Variants in KIF26B observed in about 807,000 individuals in gnomAD.
The protein encoded by KIF26B is kinesin family member 26B, also known as kinesin-like protein KIF26B.
KIF26B carries 63 observed loss-of-function variants against 151.2 expected under a neutral mutation model. The observed-to-expected ratio is 0.42, with a 90% CI of 0.34 to 0.51. The LOEUF (loss-of-function observed/expected upper bound fraction) is 0.51. Ranked by LOEUF, KIF26B falls within the 20% of genes least tolerant of loss-of-function variation. The pLI is 0.07. For synonymous variants in KIF26B, 1,357 were observed against 1,262.1 expected, an observed-to-expected ratio of 1.08 and a Z score of -1.59; for missense variants, 2,813 against 2,913.6, an observed-to-expected ratio of 0.97 and a Z score of 0.79.
intron 2 of KIF26B, among the ~76,000 whole-genome samples, chr1:245,265,270 A>G (rs541971329): frequency 6.6e-6 from 1 of 152,098 alleles, no homozygotes; most frequent in Admixed American, 6.5e-5. Context: ...AATAGTTATG[A>G]CACGATGTTA....
intron 2 of KIF26B, among the ~76,000 whole-genome samples, chr1:245,247,307 AATT>A (rs1670352829): frequency 6.6e-6 from 1 of 151,614 alleles, no homozygotes; most frequent in African/African-American, 2.4e-5. Flanking sequence ...AAAAAAAAAA[AATT>A]AGCTGGGCGT....
intron 2 of KIF26B, among the ~76,000 whole-genome samples, chr1:245,266,983 C>CT (rs1670758838): frequency 6.6e-6 from 1 of 152,200 alleles, no homozygotes; most frequent in African/African-American, 2.4e-5. Flanking sequence ...TGGGCCTGGT[C>CT]TTATCCTTAT....
chr1:245,698,356 C>T lies in KIF26B; in HGVS notation c.6027+48C>T, dbSNP rs1258490943. The T allele has an allele frequency of 1.3e-6, 2 of 1,550,994 alleles. No homozygotes were observed. Among genetic ancestry groups the T allele is most frequent in the Admixed American group, 1.7e-5 (1 of 58,208 alleles). ...CCCTGCCTACGTGGTGGCAGCTCCC[C>T]ACCAAGCCTGAGCAGGTGCTAGGCA... is the stretch of plus-strand genomic sequence containing the variant. On this transcript the variant is annotated intron_variant, in intron 13 of 14. Transcript: ENST00000407071. The surrounding 1 kb of genome is among the most constrained non-coding windows in gnomAD (Gnocchi z 4.0).
chr1:245,612,083 TGTGTGTGTGTGTGTGTGTGTGTGAGAGA>T, intron 9 of KIF26B, 107 bp downstream of exon 9: 1 of 701,926 alleles, frequency 1.4e-6, no homozygotes, highest in South Asian at 1.9e-5. Flanking sequence ...TGTGTGTGTG[TGTGTGTGTGTGTGTGTGTGTGTGAGAGA>T]GAGAGAGAGA....
At chr1:245,655,357 G>C (rs1026749954) in intron 10 of KIF26B, among the ~76,000 whole-genome samples, 1 of 152,216 alleles carries the variant, frequency 6.6e-6, no homozygotes, top group Admixed American at 6.5e-5. Flanking sequence ...TGTAACCCAC[G>C]TGGTTCTGCC....
Position 245,601,976 on chromosome 1 carries a change from A to G in KIF26B, c.1351-601A>G, listed in dbSNP as rs570795480. On this transcript the variant is annotated intron_variant, in intron 5 of 14. Coordinates refer to ENST00000407071, the MANE Select transcript of KIF26B (RefSeq NM_018012.4). The surrounding 1 kb of genome is among the most constrained non-coding windows in gnomAD (Gnocchi z 4.4). ...ATGCACTTCCATTCTCTGAAACGAC[A>G]ACTTCTCTGCACTCGCTTAATGGGA... 3.3e-5 allele frequency among the ~76,000 whole-genome samples: 5 copies of G among 152,280 alleles called. No individual in the cohort carries two copies. In the East Asian group the frequency reaches 5.8e-4, roughly 18 times the overall value.
At chr1:245,455,621 C>G (rs1659501493) in intron 4 of KIF26B, among the ~76,000 whole-genome samples, 1 of 152,206 alleles carries the variant, frequency 6.6e-6, no homozygotes, top group South Asian at 2.1e-4. Context: ...AATAAAAGCT[C>G]TCTTTAGCTG....
At chr1:245,285,461 T>C (rs1032715000) in intron 2 of KIF26B, among the ~76,000 whole-genome samples, 1 of 152,130 alleles carries the variant, frequency 6.6e-6, no homozygotes, top group African/African-American at 2.4e-5. Context: ...TAATTCAATT[T>C]GCCACAGGGA....
Position 245,527,568 on chromosome 1 carries a change from A to G in KIF26B, c.1167-13199A>G, listed in dbSNP as rs187445383. 7.7e-5 allele frequency among the ~76,000 whole-genome samples: 7 copies of G among 90,446 alleles called. No individual in the cohort carries two copies. In the South Asian group the frequency reaches 1.1e-3, roughly 15 times the overall value. The allele number at this position is 90,446 out of a possible 152,430, so 59.3% of individuals were successfully genotyped here. A position where few individuals can be genotyped will look rare whatever the true frequency, so the allele number is the denominator to read the frequency against. On this transcript the variant is annotated intron_variant, in intron 4 of 14. Coordinates refer to ENST00000407071, the MANE Select transcript of KIF26B (RefSeq NM_018012.4). ...TTTTTTTTTGAGATGGAGTCTGGCT[A>G]TGTCGCCCAGGCTGGAGCGCAGTGG...
At chr1:245,641,547 G>A (rs552239692) in intron 9 of KIF26B, among the ~76,000 whole-genome samples, 1 of 149,978 alleles carries the variant, frequency 6.7e-6, no homozygotes, top group Admixed American at 6.6e-5. Context: ...TCTTCTGACT[G>A]TCTATTTTCA....
At chr1:245,661,283 T>A (rs2044134772) in intron 10 of KIF26B, among the ~76,000 whole-genome samples, 1 of 152,058 alleles carries the variant, frequency 6.6e-6, no homozygotes, top group Non-Finnish European at 1.5e-5. Flanking sequence ...CCACTGCGCC[T>A]GGCCCATTTT....
intron 9 of KIF26B, among the ~76,000 whole-genome samples, chr1:245,643,756 A>G (rs2103183406): frequency 6.6e-6 from 1 of 152,194 alleles, no homozygotes; most frequent in Admixed American, 6.5e-5. Flanking sequence ...TTGTTTTGGA[A>G]TGATACTTTT....
chr1:245,309,470 G>A lies in KIF26B; in HGVS notation c.466-57364G>A, dbSNP rs1160414250. On this transcript the variant is annotated intron_variant, in intron 2 of 14. Coordinates refer to ENST00000407071, the MANE Select transcript of KIF26B (RefSeq NM_018012.4). ...ACATCAGTTCTTCCTGGGTCTCAAG[G>A]CTGCCAGCCTTTGGGATGGAATGAC... Among the ~76,000 whole-genome samples the A allele has an allele frequency of 2.6e-5, 4 of 151,856 alleles. No homozygotes were observed. In the East Asian group the frequency reaches 7.8e-4, roughly 29 times the overall value.
chr1:245,259,438 A>G (rs747989163), intron 2 of KIF26B, among the ~76,000 whole-genome samples: 2 of 152,210 alleles, frequency 1.3e-5, no homozygotes, highest in African/African-American at 2.4e-5. Flanking sequence ...TTCAATGAAC[A>G]TAAATACCCT....
At chr1:245,440,419 T>C (rs2103046727) in intron 4 of KIF26B, among the ~76,000 whole-genome samples, 1 of 152,274 alleles carries the variant, frequency 6.6e-6, no homozygotes, top group Non-Finnish European at 1.5e-5. Context: ...AACTATCTCT[T>C]AAGACGGGGA....
chr1:245,437,033 C>T (rs748957555), intron 4 of KIF26B, among the ~76,000 whole-genome samples: 16 of 151,916 alleles, frequency 1.1e-4, no homozygotes, highest in South Asian at 2.1e-4. Context: ...ATTACAGGCA[C>T]GTGCCACCAT....
At chr1:245,439,179 C>G (rs1402434672) in intron 4 of KIF26B, among the ~76,000 whole-genome samples, 1 of 151,770 alleles carries the variant, frequency 6.6e-6, no homozygotes, top group African/African-American at 2.4e-5. Context: ...AAGACCCTGT[C>G]TCTACAAAAA....
At chr1:245,448,636 C>T (rs1354494113) in intron 4 of KIF26B, among the ~76,000 whole-genome samples, 1 of 152,188 alleles carries the variant, frequency 6.6e-6, no homozygotes. Context: ...GGCTGATGCT[C>T]AAAAGCCTGG....
intron 2 of KIF26B, among the ~76,000 whole-genome samples, chr1:245,192,027 T>G (rs1669118731): frequency 1.3e-5 from 2 of 152,178 alleles, no homozygotes; most frequent in South Asian, 4.1e-4. Flanking sequence ...GACCTGGTAG[T>G]TCTATTTCTG....
Sources: allele counts gnomAD v4.1 joint callset (sites outside exome capture counted in the v4.1 genomes callset), GRCh38; gene constraint gnomAD v4.1.1; non-coding constraint Gnocchi (gnomAD v3.1); transcripts MANE v1.5; gene names NCBI Gene and HGNC (gene_info 2026-07-23, HGNC 2026-07-21).